Variants in KIAA0825 observed in about 807,000 individuals in gnomAD.
KIAA0825 encodes the protein uncharacterized protein KIAA0825.
Under a neutral mutation model 147.6 loss-of-function variants are expected in KIAA0825, and 119 were observed. That is an observed-to-expected ratio of 0.81 (90% CI 0.69 to 0.94). The LOEUF is 0.94. Among genes scored for constraint, KIAA0825 ranks in the 40% least tolerant of loss-of-function variants. KIAA0825 has a pLI of 0.00. For synonymous variants in KIAA0825, 470 were observed against 518.1 expected (o/e 0.91, Z 1.26); for missense variants, 1,381 against 1,472.7 (o/e 0.94, Z 1.02).
chr5:94,492,452 T>G (rs1763845827), intron 5 of KIAA0825, among the ~76,000 whole-genome samples: 1 of 152,258 alleles, frequency 6.6e-6, no homozygotes, highest in Non-Finnish European at 1.5e-5. Context: ...TGCTCCTTCC[T>G]ATTTTGCCTT....
At chr5:94,599,937 C>T (rs1285552628) in intron 1 of KIAA0825, among the ~76,000 whole-genome samples, 1 of 151,558 alleles carries the variant, frequency 6.6e-6, no homozygotes, top group Admixed American at 6.6e-5. Flanking sequence ...GTGTTGTCCA[C>T]CCCCCCAAAA....
chr5:94,232,962 A>C (rs1774821651), intron 20 of KIAA0825, among the ~76,000 whole-genome samples: 1 of 152,160 alleles, frequency 6.6e-6, no homozygotes, highest in Admixed American at 6.5e-5. Flanking sequence ...ATTTTAAAAA[A>C]TATTAACAGG....
At chr5:94,588,184 A>T (rs1473440489) in intron 1 of KIAA0825, among the ~76,000 whole-genome samples, 1 of 152,148 alleles carries the variant, frequency 6.6e-6, no homozygotes, top group Non-Finnish European at 1.5e-5. Flanking sequence ...AAGCCAAAAT[A>T]GACAAATGGG....
intron 20 of KIAA0825, among the ~76,000 whole-genome samples, chr5:94,256,803 A>G (rs902921725): frequency 6.6e-6 from 1 of 152,102 alleles, no homozygotes; most frequent in Non-Finnish European, 1.5e-5. Flanking sequence ...CGTATGTTAC[A>G]TGTTTCTAGG....
At chr5:94,458,676 T>C (rs1157699878) in intron 12 of KIAA0825, among the ~76,000 whole-genome samples, 2 of 152,126 alleles carry the variant, frequency 1.3e-5, no homozygotes, top group Admixed American at 1.3e-4. Flanking sequence ...AGGGAGTCAT[T>C]GAACCTAAAC....
Position 94,183,520 on chromosome 5 carries a change from G to A in KIAA0825, c.3711-29396C>T, listed in dbSNP as rs144467819. Among the ~76,000 whole-genome samples, 57 of 152,270 alleles carry A rather than the reference G, an allele frequency of 3.7e-4. 1 individual carries two copies. The East Asian group carries it at 6.6e-3, about 18-fold the overall frequency. ...CCCTGAGTAACTTTAGGATGGGGCT[G>A]GTTCTCAGAAAGATCAAGGCATGAT... On this transcript the variant is annotated intron_variant, in intron 20 of 20. Coordinates refer to ENST00000682413, the MANE Select transcript of KIAA0825 (RefSeq NM_001145678.3).
chr5:94,264,377 A>G (rs1776645589), intron 20 of KIAA0825, among the ~76,000 whole-genome samples: 1 of 152,208 alleles, frequency 6.6e-6, no homozygotes, highest in Admixed American at 6.5e-5. Flanking sequence ...GGTACATGGT[A>G]ATCTCTTAGT....
chr5:94,498,583 C>G (rs898411582), intron 5 of KIAA0825, among the ~76,000 whole-genome samples: 17 of 152,206 alleles, frequency 1.1e-4, no homozygotes, highest in African/African-American at 3.9e-4. Flanking sequence ...TAATCTACAA[C>G]ATTCTTCTTT....
intron 2 of KIAA0825, among the ~76,000 whole-genome samples, chr5:94,560,334 C>T (rs1034051283): frequency 1.4e-4 from 22 of 152,290 alleles, no homozygotes; most frequent in South Asian, 8.3e-4. Context: ...AGAGGGCCAA[C>T]GAAAACTCAG....
intron 1 of KIAA0825, among the ~76,000 whole-genome samples, chr5:94,583,096 A>G (rs914170789): frequency 1.3e-5 from 2 of 152,194 alleles, no homozygotes; most frequent in African/African-American, 4.8e-5. Flanking sequence ...TACAGCTCCC[A>G]GCGAGATCGA....
chr5:94,383,852 T>C (rs999267978), intron 20 of KIAA0825, among the ~76,000 whole-genome samples: 5 of 151,830 alleles, frequency 3.3e-5, no homozygotes, highest in Non-Finnish European at 7.4e-5. Flanking sequence ...TATGCTACTG[T>C]GGCTATATTA....
At chr5:94,440,713 C>T (rs957970689) in intron 13 of KIAA0825, among the ~76,000 whole-genome samples, 6 of 151,852 alleles carry the variant, frequency 4.0e-5, no homozygotes, top group South Asian at 2.1e-4. Flanking sequence ...GAAAGAATTC[C>T]GAGGCAAATA....
In KIAA0825 at chr5:94,523,951, CAA is replaced by C; in HGVS notation, c.277_278del (p.Leu93AspfsTer14). 1 of 1,596,600 alleles carries C rather than the reference CAA, an allele frequency of 6.3e-7. No individual in the cohort carries two copies. Among genetic ancestry groups the C allele is most frequent in the Non-Finnish European group, 8.5e-7 (1 of 1,171,384 alleles). On this transcript the variant is annotated frameshift_variant, in exon 4 of 21. Coordinates refer to ENST00000682413, the MANE Select transcript of KIAA0825 (RefSeq NM_001145678.3). LOFTEE classifies it high-confidence loss of function. ...SESSFISHGD[L>X]IKFFKTLQDL... is the part of the protein sequence containing the mutation. ...TTACCAGTGTTTTGAAAAATTTTAT[CAA>C]GTCTCCATGAGAAATGAAAGATGAT...
intron 20 of KIAA0825, among the ~76,000 whole-genome samples, chr5:94,309,589 G>A (rs1352895473): frequency 1.3e-5 from 2 of 151,630 alleles, no homozygotes; most frequent in Non-Finnish European, 3.0e-5. Flanking sequence ...AAGCCTCTAC[G>A]GAGGCACTCA....
At chr5:94,569,297 A>T (rs922319863) in intron 2 of KIAA0825, 51 of 313,190 alleles carry the variant, frequency 1.6e-4, no homozygotes, top group Admixed American at 2.1e-4. Flanking sequence ...AAATAAATTT[A>T]AAAAAACCAT....
At chr5:94,168,868 A>G (rs1456989302) in intron 20 of KIAA0825, among the ~76,000 whole-genome samples, 2 of 152,192 alleles carry the variant, frequency 1.3e-5, no homozygotes, top group Non-Finnish European at 2.9e-5. Flanking sequence ...TTCATGGACT[A>G]TGCTCTATAG....
At chr5:94,255,806 C>T (rs570325393) in intron 20 of KIAA0825, among the ~76,000 whole-genome samples, 37 of 147,834 alleles carry the variant, frequency 2.5e-4, no homozygotes, top group East Asian at 8.0e-4. Flanking sequence ...TTGACCTCCC[C>T]GGGCTCAGGT....
At chr5:94,590,144 G>A (rs567366120) in intron 1 of KIAA0825, among the ~76,000 whole-genome samples, 2 of 152,080 alleles carry the variant, frequency 1.3e-5, no homozygotes, top group Admixed American at 6.5e-5. Flanking sequence ...ACAGGCATGC[G>A]CCACCACACC....
rs1446609737 is a variant in KIAA0825 at position 94,471,747 on chromosome 5, T to C, written c.1456-16A>G. On this transcript the variant is annotated splice_polypyrimidine_tract_variant and intron_variant, in intron 8 of 20. Coordinates refer to ENST00000682413, the MANE Select transcript of KIAA0825 (RefSeq NM_001145678.3). ...CAGAACAAAACTAGGGAGAAATAAA[T>C]GTGGCACTGAGTTATTTGTATTCTG... 3 of 1,551,300 alleles carry C rather than the reference T, an allele frequency of 1.9e-6. No individual in the cohort carries two copies. Among genetic ancestry groups the C allele is most frequent in the Admixed American group, 2.0e-5 (1 of 50,966 alleles).
Sources: gnomAD v4.1 joint callset for allele counts (sites outside exome capture counted in the v4.1 genomes callset) on GRCh38, gnomAD v4.1.1 for gene constraint, MANE v1.5 for transcripts, NCBI Gene and HGNC (gene_info 2026-07-23, HGNC 2026-07-21) for gene names.